The following TRIM23 variants were observed in gnomAD, a reference collection of about 807,000 sequenced individuals.
TRIM23 encodes tripartite motif containing 23.
Under a neutral mutation model 71.0 loss-of-function variants are expected in TRIM23, and 27 were observed. The observed-to-expected ratio is 0.38, with a 90% CI of 0.28 to 0.52. The LOEUF (loss-of-function observed/expected upper bound fraction) is 0.52, where lower values mean the gene tolerates loss of function less well. Ranked by LOEUF, TRIM23 falls within the 20% of genes least tolerant of loss-of-function variation. The pLI is 0.84. For missense variants in TRIM23, 482 were observed against 692.3 expected, an observed-to-expected ratio of 0.70 and a Z score of 3.41; for synonymous variants, 234 against 238.0, an observed-to-expected ratio of 0.98 and a Z score of 0.16.
chr5:65,622,458 G>T (rs907503274), intron 1 of TRIM23, among the ~76,000 whole-genome samples: 1 of 152,154 alleles, frequency 6.6e-6, no homozygotes, highest in Non-Finnish European at 1.5e-5. Flanking sequence ...GTGCTTTACA[G>T]GCGTGTGCCA....
rs1294726806 is a variant in TRIM23, at chr5:65,612,102, T to C, written c.367-221A>G. The stretch of plus-strand genomic sequence containing the variant: ...AAGATTAACTGGCCAATATATGTTA[T>C]GAATTTGAAGCCAAAAATAGAACTA... On this transcript the variant is annotated intron_variant, in intron 3 of 10. Transcript: ENST00000231524. Among the ~76,000 whole-genome samples the C allele has an allele frequency of 2.6e-5, 4 of 152,344 alleles. 1 individual carries two copies. The highest frequency in any genetic ancestry group is 2.0e-4 in the Admixed American group (3 of 15,294).
chr5:65,620,515 A>G (rs1173424879), intron 1 of TRIM23, among the ~76,000 whole-genome samples: 1 of 152,228 alleles, frequency 6.6e-6, no homozygotes, highest in Non-Finnish European at 1.5e-5. Context: ...GAATGATTTC[A>G]TATGATTAAA....
intron 6 of TRIM23, among the ~76,000 whole-genome samples, chr5:65,605,792 T>C (rs1754479573): frequency 3.9e-5 from 6 of 152,214 alleles, no homozygotes; most frequent in Admixed American, 3.3e-4. Flanking sequence ...GGTAGTATTA[T>C]CTGTTTTTGC....
At chr5:65,603,738 T>C (rs574346570) in intron 7 of TRIM23, among the ~76,000 whole-genome samples, 19 of 152,118 alleles carry the variant, frequency 1.2e-4, no homozygotes, top group Non-Finnish European at 2.8e-4. Flanking sequence ...ATGGTACACA[T>C]GAACACTTTT....
In TRIM23 at chr5:65,616,099, C is replaced by T. The variant is rs1180119525; in HGVS notation, c.245-1880G>A. Among the ~76,000 whole-genome samples, 4 of 152,292 alleles carry T rather than the reference C, an allele frequency of 2.6e-5. No individual in the cohort carries two copies. The East Asian group carries it at 5.8e-4, about 22-fold the overall frequency. ...GATCAATGAACATCACACAGTGATGCGTAAGAGGGCAAGGAAGTGTAATTT... is the reference window on the plus strand; with the variant it reads ...GATCAATGAACATCACACAGTGATGTGTAAGAGGGCAAGGAAGTGTAATTT... On this transcript the variant is annotated intron_variant, in intron 2 of 10. Transcript: ENST00000231524.
rs1400148026 is a variant in TRIM23, at chr5:65,590,974, G to T, written c.*795C>A. On this transcript the variant is annotated 3_prime_UTR_variant, in exon 11 of 11. Transcript: ENST00000231524. ...TAGAAAGAAATATTACTTTAAATTTGTTGAAAAATAGAAGGACCAATTTAG... is the reference window on the plus strand; with the variant it reads ...TAGAAAGAAATATTACTTTAAATTTTTTGAAAAATAGAAGGACCAATTTAG... 35 of 984,556 alleles carry T rather than the reference G, an allele frequency of 3.6e-5. No individual in the cohort carries two copies. The highest frequency in any genetic ancestry group is 4.2e-5 in the Non-Finnish European group (35 of 829,302). The allele number at this position is 984,556 out of a possible 1,614,324, so 61.0% of individuals were successfully genotyped here.
chr5:65,613,383 A>AT (rs986138729), intron 3 of TRIM23, among the ~76,000 whole-genome samples: 3 of 152,022 alleles, frequency 2.0e-5, no homozygotes, highest in East Asian at 3.9e-4. Context: ...GCAATCCGAC[A>AT]TTTTTTTTCC....
chr5:65,600,766 T>C (rs1391335337), intron 7 of TRIM23, among the ~76,000 whole-genome samples: 1 of 151,836 alleles, frequency 6.6e-6, no homozygotes, highest in Non-Finnish European at 1.5e-5. Flanking sequence ...GGAATTAATA[T>C]CCAGAATATA....
chr5:65,598,576 C>A (rs951360209), intron 7 of TRIM23, among the ~76,000 whole-genome samples: 2 of 152,050 alleles, frequency 1.3e-5, no homozygotes, highest in Admixed American at 6.5e-5. Flanking sequence ...ATAGAGAAAC[C>A]CCGTCTCTAC....
At position 65,590,968 on chromosome 5, in the gene TRIM23, A is replaced by C. The variant is rs1406333630; in HGVS notation, c.*801T>G. On this transcript the variant is annotated 3_prime_UTR_variant, in exon 11 of 11. Coordinates refer to ENST00000231524, the MANE Select transcript of TRIM23 (RefSeq NM_001656.4). Reference sequence around the variant, plus strand: ...TTATATTAGAAAGAAATATTACTTTAAATTTGTTGAAAAATAGAAGGACCA... The same window carrying C: ...TTATATTAGAAAGAAATATTACTTTCAATTTGTTGAAAAATAGAAGGACCA... 2.0e-6 allele frequency: 2 copies of C among 984,532 alleles called. No homozygotes were observed. Among genetic ancestry groups the C allele is most frequent in the Non-Finnish European group, 1.2e-6 (1 of 829,204 alleles). The allele number at this position is 984,532 out of a possible 1,614,324, so 61.0% of individuals were successfully genotyped here.
rs1443709814 is a variant in TRIM23 at position 65,616,110 on chromosome 5, A to G, written c.245-1891T>C. Among the ~76,000 whole-genome samples, 7 of 152,354 alleles carry G rather than the reference A, an allele frequency of 4.6e-5. No individual in the cohort carries two copies. In the East Asian group the frequency reaches 1.3e-3, roughly 29 times the overall value. ...ATCACACAGTGATGCGTAAGAGGGC[A>G]AGGAAGTGTAATTTCACCATATGAG... On this transcript the variant is annotated intron_variant, in intron 2 of 10. Transcript: ENST00000231524.
At chr5:65,605,953 C>G (rs1046773543) in intron 6 of TRIM23, among the ~76,000 whole-genome samples, 4 of 152,220 alleles carry the variant, frequency 2.6e-5, no homozygotes, top group South Asian at 2.1e-4. Flanking sequence ...CTGGGCACTT[C>G]TAATCCCCAT....
chr5:65,602,385 C>T (rs982303823), intron 7 of TRIM23, among the ~76,000 whole-genome samples: 1 of 152,168 alleles, frequency 6.6e-6, no homozygotes, highest in Non-Finnish European at 1.5e-5. Context: ...CCCTCTGAGA[C>T]CACCTCAGCC....
intron 5 of TRIM23, among the ~76,000 whole-genome samples, chr5:65,609,712 C>T (rs760616409): frequency 3.3e-5 from 5 of 152,124 alleles, no homozygotes; most frequent in East Asian, 1.9e-4. Flanking sequence ...CCTGGGTGAC[C>T]GAGCGAGACA....
At chr5:65,617,583 G>C (rs1318679436) in intron 2 of TRIM23, among the ~76,000 whole-genome samples, 1 of 151,806 alleles carries the variant, frequency 6.6e-6, no homozygotes, top group Admixed American at 6.6e-5. Flanking sequence ...AAAGTATACA[G>C]AAAACTGCAA....
At chr5:65,604,780 T>A (rs1754454129) in intron 7 of TRIM23, 131 bp downstream of exon 7, 1 of 794,666 alleles carries the variant, frequency 1.3e-6, no homozygotes, top group Non-Finnish European at 1.8e-6. Context: ...TATTTTCCAC[T>A]GATAAAAGTT....
At position 65,614,200 on chromosome 5, in the gene TRIM23, T is replaced by A; in HGVS notation, c.264A>T (p.Gly88=). Residue 88 remains glycine (G), a synonymous_variant, in exon 3 of 11, where the codon GGA becomes GGT. Coordinates refer to ENST00000231524, the MANE Select transcript of TRIM23 (RefSeq NM_001656.4). ...VTDLGDSGVW[G]LKKNFALLEL... ...CCAATAAAGCAAAATTTTTTTTCAA[T>A]CCCCAGACACCTGAATCACCTAGAA... 1 of 1,613,536 alleles carries A rather than the reference T, an allele frequency of 6.2e-7. No homozygotes were observed. Among genetic ancestry groups the A allele is most frequent in the Non-Finnish European group, 8.5e-7 (1 of 1,179,624 alleles).
At chr5:65,609,635 C>T (rs957165416) in intron 5 of TRIM23, among the ~76,000 whole-genome samples, 177 bp from the exon 6 acceptor site, 4 of 152,028 alleles carry the variant, frequency 2.6e-5, no homozygotes, top group South Asian at 2.1e-4. Context: ...GAGGCTGAGG[C>T]GGGAGGATTG....
At position 65,611,058 on chromosome 5, in the gene TRIM23, A is replaced by G. The variant is rs147913782; in HGVS notation, c.646-15T>C. The G allele has an allele frequency of 0.01, 16,116 of 1,590,146 alleles. 115 individuals carry two copies. Among genetic ancestry groups the G allele is most frequent in the Non-Finnish European group, 0.012 (13,844 of 1,172,578 alleles). ...AATACTGAATGCTATAAAATGTACC[A>G]TAATTAGAGAAAAGAACTCATAGTA... On this transcript the variant is annotated splice_polypyrimidine_tract_variant and intron_variant, in intron 4 of 10. Transcript: ENST00000231524.
Sources: allele counts gnomAD v4.1 joint callset (sites outside exome capture counted in the v4.1 genomes callset), GRCh38; gene constraint gnomAD v4.1.1; transcripts MANE v1.5; gene names NCBI Gene and HGNC (gene_info 2026-07-23, HGNC 2026-07-21).